CPNE9: variants seen among roughly 807,000 people sequenced by gnomAD.
CPNE9 encodes the protein copine-9.
CPNE9 carries 59 observed loss-of-function variants against 83.0 expected under a neutral mutation model. The ratio of observed to expected loss-of-function variants is 0.71; its 90% CI spans 0.58 to 0.88. The LOEUF is 0.88. CPNE9 is among the 40% of genes least tolerant of loss of function. The probability of loss-of-function intolerance (pLI) is 0.00; values close to 1 mark genes in which losing one functional copy is unlikely to be tolerated. For missense variants in CPNE9, 619 were observed against 720.8 expected, an observed-to-expected ratio of 0.86 and a Z score of 1.62; for synonymous variants, 256 against 273.4, an observed-to-expected ratio of 0.94 and a Z score of 0.63.
intron 4 of CPNE9, 33 bp downstream of exon 4, chr3:9,705,027 GC>G (rs2076547501): frequency 1.3e-6 from 2 of 1,494,338 alleles, no homozygotes; most frequent in Non-Finnish European, 1.8e-6. Context: ...GGCTTGGCCC[GC>G]CCCCGACCTG....
At position 9,704,991 on chromosome 3, in the gene CPNE9, A is replaced by T; in HGVS notation, c.257A>T (p.Asp86Val). 1.2e-6 allele frequency: 2 copies of T among 1,606,924 alleles called. No individual in the cohort carries two copies. The highest frequency in any genetic ancestry group is 4.5e-5 in the East Asian group (2 of 44,716). Residue 86 changes from aspartate to valine, a missense_variant, in exon 4 of 21, where the codon GAT becomes GTT. This residue lies in a region of CPNE9 where 130 missense variants were observed against 117.5 expected (regional missense o/e 1.11). Transcript: ENST00000383832. This position sits in a 1 kb window ranked among gnomAD's most constrained non-coding sequence, Gnocchi z 7.1. ...FFEEKQNLRF[D>V]VYNVDSKTNI... is the part of the protein sequence containing the mutation. ...GAGGAAAAGCAAAATCTGCGCTTCG[A>T]TGTGTGAGGCCCCGCCTGGAATTCT... is the stretch of plus-strand genomic sequence containing the variant.
At chr3:9,706,384 C>T (rs1174375273) in intron 7 of CPNE9, among the ~76,000 whole-genome samples, 1 of 151,976 alleles carries the variant, frequency 6.6e-6, no homozygotes. Flanking sequence ...CTCCCCCGGA[C>T]TAAGTCAAAT....
intron 17 of CPNE9, among the ~76,000 whole-genome samples, chr3:9,724,520 T>G (rs1452707002): frequency 1.3e-5 from 2 of 152,178 alleles, no homozygotes; most frequent in Non-Finnish European, 2.9e-5. Context: ...GCTCTGTGCT[T>G]CTTCAGCCAC....
At chr3:9,725,709 T>TATAC (rs2076778141) in intron 17 of CPNE9, among the ~76,000 whole-genome samples, 12 of 146,058 alleles carry the variant, frequency 8.2e-5, no homozygotes, top group Admixed American at 8.2e-4. Context: ...TATATATGTG[T>TATAC]ATATATGTGT....
At chr3:9,708,581 C>T (rs535571036) in intron 7 of CPNE9, among the ~76,000 whole-genome samples, 2 of 152,182 alleles carry the variant, frequency 1.3e-5, no homozygotes, top group African/African-American at 4.8e-5. Context: ...GACTCTTAAG[C>T]ACAGTTTTGA....
At chr3:9,723,223 G>C (rs574174039) in intron 17 of CPNE9, among the ~76,000 whole-genome samples, 1 of 152,302 alleles carries the variant, frequency 6.6e-6, no homozygotes, top group South Asian at 2.1e-4. Flanking sequence ...TGTAATCCCA[G>C]CACTTTGGGA....
chr3:9,719,001 T>A (rs2076710905), intron 17 of CPNE9, among the ~76,000 whole-genome samples: 5 of 151,588 alleles, frequency 3.3e-5, no homozygotes, highest in African/African-American at 1.2e-4. Flanking sequence ...CACACTTGGC[T>A]CGTTTTTGTG....
At chr3:9,718,744 T>A (rs895207912) in intron 17 of CPNE9, 142 bp downstream of exon 17, 7 of 977,170 alleles carry the variant, frequency 7.2e-6, no homozygotes, top group Non-Finnish European at 1.0e-5. Context: ...CTCATACCTG[T>A]AATCCCAACA....
At position 9,713,168 on chromosome 3, in the gene CPNE9, T is replaced by C. The variant is rs2076646912; in HGVS notation, c.650+89T>C. 11 of 1,023,682 alleles carry C rather than the reference T, an allele frequency of 1.1e-5. No homozygotes were observed. The South Asian group carries it at 1.4e-4, about 13-fold the overall frequency. The allele number at this position is 1,023,682 out of a possible 1,614,324, so 63.4% of individuals were successfully genotyped here. On this transcript the variant is annotated intron_variant, in intron 10 of 20. Transcript: ENST00000383832. ...AAGAATGATAGTAGAAGTATCATAA[T>C]AGCGTTGGAGGGTCCTGCTCAGTGA...
intron 17 of CPNE9, among the ~76,000 whole-genome samples, chr3:9,725,666 A>ATGTG (rs1559646057): frequency 3.4e-4 from 14 of 40,690 alleles, no homozygotes; most frequent in Admixed American, 1.3e-3. Flanking sequence ...GTATATATGT[A>ATGTG]TATATATGTG....
At chr3:9,726,587 C>T (rs2125477070) in intron 18 of CPNE9, 78 bp from the exon 19 acceptor site, 1 of 1,118,780 alleles carries the variant, frequency 8.9e-7, no homozygotes, top group Non-Finnish European at 1.4e-6. Flanking sequence ...GACACACATA[C>T]ACAGAGAACT....
At chr3:9,720,659 T>C (rs1057380374) in intron 17 of CPNE9, among the ~76,000 whole-genome samples, 7 of 152,262 alleles carry the variant, frequency 4.6e-5, no homozygotes, top group Non-Finnish European at 1.5e-5. Flanking sequence ...GTCAAATTAT[T>C]ATACATATAA....
chr3:9,714,759 T>C (rs544975003), intron 10 of CPNE9, among the ~76,000 whole-genome samples, 155 bp from the exon 11 acceptor site: 1 of 150,936 alleles, frequency 6.6e-6, no homozygotes, highest in South Asian at 2.1e-4. Context: ...GACTGATGAA[T>C]GAATAGACAG....
rs188891650 is a variant in CPNE9, at chr3:9,713,023, T to A, written c.594T>A (p.Pro198=). 32 of 1,614,218 alleles carry A rather than the reference T, an allele frequency of 2.0e-5. No individual in the cohort carries two copies. The Admixed American group carries it at 5.3e-4, about 27-fold the overall frequency. Residue 198 remains proline (P), a synonymous_variant, in exon 10 of 21, where the codon CCT becomes CCA. Coordinates refer to ENST00000383832, the MANE Select transcript of CPNE9 (RefSeq NM_153635.3). ...KTEVVKNTLN[P]VWQPFSIPVR... The stretch of plus-strand genomic sequence containing the variant: ...AGGTTGTGAAAAACACGCTGAATCC[T>A]GTGTGGCAGCCCTTCAGCATCCCTG...
At chr3:9,724,454 C>T (rs1316789684) in intron 17 of CPNE9, among the ~76,000 whole-genome samples, 1 of 152,122 alleles carries the variant, frequency 6.6e-6, no homozygotes, top group Non-Finnish European at 1.5e-5. Context: ...TTTGCTCTCG[C>T]TCATATATAA....
In CPNE9 at chr3:9,712,566, A is replaced by C; in HGVS notation, c.403A>C (p.Thr135Pro). ...LTGVPGKKCG[T>P]ILLTAEELSN... is the part of the protein sequence containing the mutation. ...GGGTGTACCAGGCAAGAAGTGTGGG[A>C]CCATATTGCTGACTGCAGAAGAGCT... is the stretch of plus-strand genomic sequence containing the variant. Residue 135 changes from threonine to proline, a missense_variant, in exon 8 of 21, where the codon ACC becomes CCC. Physicochemically the swap from Thr to Pro is conservative, Grantham distance 38. This residue lies in a region of CPNE9 where 438 missense variants were observed against 562.9 expected (regional missense o/e 0.78). Transcript: ENST00000383832. 6.2e-7 allele frequency: 1 copy of C among 1,614,102 alleles called. No individual in the cohort carries two copies. Among genetic ancestry groups the C allele is most frequent in the Non-Finnish European group, 8.5e-7 (1 of 1,179,984 alleles).
intron 4 of CPNE9, 69 bp from the exon 5 acceptor site, chr3:9,705,395 G>A (rs540857064): frequency 1.6e-6 from 2 of 1,238,182 alleles, no homozygotes; most frequent in Non-Finnish European, 2.3e-6. Flanking sequence ...ACCAAGACTC[G>A]GTGCCCGACC....
intron 18 of CPNE9, 96 bp downstream of exon 18, chr3:9,726,147 G>A: frequency 2.7e-6 from 2 of 734,194 alleles, no homozygotes; most frequent in South Asian, 1.9e-5. Flanking sequence ...AAGTTAGCCT[G>A]CCAGTTTCAT....
intron 14 of CPNE9, among the ~76,000 whole-genome samples, 190 bp from the exon 15 acceptor site, chr3:9,716,868 T>C (rs1339185654): frequency 6.6e-6 from 1 of 152,224 alleles, no homozygotes; most frequent in East Asian, 1.9e-4. Context: ...TTCTGTTACC[T>C]AAAGTGTAGT....
Sources: allele counts gnomAD v4.1 joint callset (sites outside exome capture counted in the v4.1 genomes callset), GRCh38; gene constraint gnomAD v4.1.1; regional missense constraint gnomAD v4.1.1; non-coding constraint Gnocchi (gnomAD v3.1); transcripts MANE v1.5; gene names NCBI Gene and HGNC (gene_info 2026-07-23, HGNC 2026-07-21).